PRKCZ: variants seen among roughly 807,000 people sequenced by gnomAD.
PRKCZ encodes the protein protein kinase C zeta type.
A neutral mutation model predicts 79.5 loss-of-function variants in PRKCZ; 33 were observed. That is an observed-to-expected ratio of 0.41 (90% confidence interval 0.31 to 0.55). The LOEUF is 0.55. Ranked by LOEUF, PRKCZ falls within the 20% of genes least tolerant of loss-of-function variation. The pLI is 0.19. For synonymous variants in PRKCZ, 342 were observed against 320.9 expected, an observed-to-expected ratio of 1.07 and a Z score of -0.70; for missense variants, 578 against 813.5, an observed-to-expected ratio of 0.71 and a Z score of 3.52.
intron 9 of PRKCZ, among the ~76,000 whole-genome samples, chr1:2,155,121 CAATGATGGTGACGATGATGGT>C (rs1158965599): frequency 7.3e-5 from 11 of 151,392 alleles, no homozygotes; most frequent in African/African-American, 2.7e-4. Context: ...ATGATGGTGA[CAATGATGGTGACGATGATGGT>C]GATGATGGTG....
In PRKCZ at chr1:2,128,753, G is replaced by A. The variant is rs369548303; in HGVS notation, c.335-6509G>A. On this transcript the variant is annotated intron_variant, in intron 4 of 17. Transcript: ENST00000378567. This position sits in a 1 kb window ranked among gnomAD's most constrained non-coding sequence, Gnocchi z 6.5. Reference sequence around the variant, plus strand: ...CGTGTGGCTGCACCGTCCACTGTGCGCTGTCCACTGCAGGAGACCCCAGGC... The same window carrying A: ...CGTGTGGCTGCACCGTCCACTGTGCACTGTCCACTGCAGGAGACCCCAGGC... 6.6e-6 allele frequency among the ~76,000 whole-genome samples: 1 copy of A among 152,144 alleles called. No individual in the cohort carries two copies. Among genetic ancestry groups the A allele is most frequent in the Non-Finnish European group, 1.5e-5 (1 of 68,032 alleles).
At chr1:2,170,473 G>A (rs959606480) in intron 11 of PRKCZ, among the ~76,000 whole-genome samples, 12 of 131,230 alleles carry the variant, frequency 9.1e-5, no homozygotes, top group Non-Finnish European at 1.4e-4. Flanking sequence ...TTCCCACAAC[G>A]CTGTTTTTAA....
intron 9 of PRKCZ, among the ~76,000 whole-genome samples, chr1:2,151,705 A>G (rs1170494159): frequency 1.3e-5 from 2 of 152,184 alleles, no homozygotes; most frequent in South Asian, 2.1e-4. Flanking sequence ...TCTGTCACCC[A>G]GACTGGAGTG....
At chr1:2,146,198 C>T (rs1678478244) in intron 7 of PRKCZ, 90 bp downstream of exon 7, 1 of 1,282,578 alleles carries the variant, frequency 7.8e-7, no homozygotes, top group Admixed American at 1.8e-5. Context: ...CTTTCTCAGT[C>T]CCATCTGCTC....
At chr1:2,088,677 G>A (rs776047396) in intron 4 of PRKCZ, among the ~76,000 whole-genome samples, 2 of 152,122 alleles carry the variant, frequency 1.3e-5, no homozygotes, top group Admixed American at 6.5e-5. Flanking sequence ...TGGGAGCTTC[G>A]GAGCCTGACC....
chr1:2,071,777 T>C (rs1018970900), intron 4 of PRKCZ, among the ~76,000 whole-genome samples: 6 of 152,142 alleles, frequency 3.9e-5, no homozygotes, highest in Non-Finnish European at 8.8e-5. Flanking sequence ...CTGTGGGAGC[T>C]CAGCGTGGCC....
At chr1:2,148,951 A>G in intron 8 of PRKCZ, 27 bp downstream of exon 8, 1 of 1,607,416 alleles carries the variant, frequency 6.2e-7, no homozygotes, top group African/African-American at 1.3e-5. Context: ...GCTCGCTGCC[A>G]TTTCCGACGT....
At chr1:2,132,840 G>T (rs1347340741) in intron 4 of PRKCZ, among the ~76,000 whole-genome samples, 5 of 152,218 alleles carry the variant, frequency 3.3e-5, no homozygotes, top group African/African-American at 1.2e-4. Context: ...GTCAGCCCCC[G>T]CCTGGACCGC....
chr1:2,090,222 G>A (rs369092078), intron 4 of PRKCZ, among the ~76,000 whole-genome samples: 10 of 152,340 alleles, frequency 6.6e-5, no homozygotes, highest in Admixed American at 1.3e-4. Flanking sequence ...CTTGGATTCC[G>A]AGGGGATTCA....
rs753397997 is a variant in PRKCZ at position 2,174,759 on chromosome 1, C to T, written c.1411C>T (p.Leu471=). ...ACCAGGCTCCGCCCTTGCAGTGATC[C>T]TGGAGAAGCCCATCCGGATCCCCCG... The part of the protein sequence containing the change: ...NTEDYLFQVI[L]EKPIRIPRFL... The change falls in exon 15 of 18, where the codon CTG becomes TTG. Residue 471 remains leucine, a synonymous_variant. Transcript: ENST00000378567. This position sits in a 1 kb window ranked among gnomAD's most constrained non-coding sequence, Gnocchi z 6.2. 2 of 1,614,120 alleles carry T rather than the reference C, an allele frequency of 1.2e-6. No individual in the cohort carries two copies. The highest frequency in any genetic ancestry group is 1.7e-6 in the Non-Finnish European group (2 of 1,179,962).
At chr1:2,101,881 G>A (rs1343983555) in intron 4 of PRKCZ, among the ~76,000 whole-genome samples, 1 of 152,208 alleles carries the variant, frequency 6.6e-6, no homozygotes, top group Non-Finnish European at 1.5e-5. Flanking sequence ...GTATATAATG[G>A]ATACAGCGGG....
rs565327081 is a variant in PRKCZ, at chr1:2,067,760, A to G, written c.334+8169A>G. On this transcript the variant is annotated intron_variant, in intron 4 of 17. Coordinates refer to ENST00000378567, the MANE Select transcript of PRKCZ (RefSeq NM_002744.6). ...GTGTGTGGCCGGTAGATTCCCGGGT[A>G]CCTCTTCTTTGCCCCTCCTTGCTGT... Among the ~76,000 whole-genome samples the G allele has an allele frequency of 1.3e-4, 20 of 152,278 alleles. No homozygotes were observed. In the East Asian group the frequency reaches 2.7e-3, roughly 21 times the overall value.
intron 10 of PRKCZ, among the ~76,000 whole-genome samples, chr1:2,160,961 C>G (rs1408973047): frequency 1.4e-5 from 2 of 141,178 alleles, no homozygotes; most frequent in Non-Finnish European, 2.9e-5. Context: ...GCGCCGCCGT[C>G]GGGGTGGAGG....
chr1:2,148,735 T>C, intron 7 of PRKCZ, 137 bp from the exon 8 acceptor site: 1 of 814,880 alleles, frequency 1.2e-6, no homozygotes, highest in East Asian at 2.8e-5. Flanking sequence ...GACTCTAAAT[T>C]AGAATCAGAC....
At chr1:2,144,176 TGG>T in intron 5 of PRKCZ, 32 bp from the exon 6 acceptor site, 2 of 1,546,292 alleles carry the variant, frequency 1.3e-6, no homozygotes, top group Non-Finnish European at 1.7e-6. Flanking sequence ...CCCCTCAGTG[TGG>T]CCTGGGCCTG....
At chr1:2,176,337 G>A (rs1260136897) in intron 16 of PRKCZ, among the ~76,000 whole-genome samples, 2 of 152,108 alleles carry the variant, frequency 1.3e-5, no homozygotes, top group Non-Finnish European at 2.9e-5. Context: ...AGGCTGCGCC[G>A]CTTGGTCGTG....
At chr1:2,063,081 C>T (rs1192276590) in intron 4 of PRKCZ, among the ~76,000 whole-genome samples, 1 of 152,302 alleles carries the variant, frequency 6.6e-6, no homozygotes, top group East Asian at 1.9e-4. Context: ...AAGGCGCAGC[C>T]ATGCGTAGCC....
chr1:2,169,406 C>G (rs1206556211), intron 10 of PRKCZ, 112 bp from the exon 11 acceptor site: 1 of 902,952 alleles, frequency 1.1e-6, no homozygotes, highest in Non-Finnish European at 1.8e-6. Context: ...CTTTGCAAGA[C>G]TGAACCTGCG....
At chr1:2,052,667 G>A (rs982276598) in intron 1 of PRKCZ, among the ~76,000 whole-genome samples, 5 of 152,052 alleles carry the variant, frequency 3.3e-5, no homozygotes, top group Admixed American at 1.3e-4. Context: ...CTGGGCACCC[G>A]GTGCCTCTCT....
Sources: allele counts gnomAD v4.1 joint callset (sites outside exome capture counted in the v4.1 genomes callset), GRCh38; gene constraint gnomAD v4.1.1; non-coding constraint Gnocchi (gnomAD v3.1); transcripts MANE v1.5; gene names NCBI Gene and HGNC (gene_info 2026-07-23, HGNC 2026-07-21).